The following WDR70 variants were observed in gnomAD, a reference collection of about 807,000 sequenced individuals.
WDR70 encodes WD repeat domain 70.
In WDR70, 53 loss-of-function variants were observed where a neutral mutation model predicts 88.6. The ratio of observed to expected loss-of-function variants is 0.60; its 90% confidence interval spans 0.48 to 0.75. WDR70 has a LOEUF of 0.75. WDR70 is among the 30% of genes least tolerant of loss of function. The probability of loss-of-function intolerance (pLI) is 0.00; values close to 1 mark genes in which losing one functional copy is unlikely to be tolerated. For synonymous variants in WDR70, 280 were observed against 270.0 expected (o/e 1.04, Z -0.36); for missense variants, 610 against 823.2 (o/e 0.74, Z 3.17).
At chr5:37,564,402 C>T (rs1742669157) in intron 9 of WDR70, among the ~76,000 whole-genome samples, 1 of 152,172 alleles carries the variant, frequency 6.6e-6, no homozygotes, top group African/African-American at 2.4e-5. Context: ...CGGCTTGCGC[C>T]TGCAATCGCA....
intron 10 of WDR70, among the ~76,000 whole-genome samples, chr5:37,646,104 T>C (rs1055289997): frequency 4.6e-5 from 7 of 152,104 alleles, no homozygotes; most frequent in Admixed American, 2.0e-4. Context: ...TTTAATTTTT[T>C]GCTTTTTATT....
chr5:37,468,026 T>C (rs1485066359), intron 7 of WDR70, among the ~76,000 whole-genome samples: 1 of 152,092 alleles, frequency 6.6e-6, no homozygotes, highest in Non-Finnish European at 1.5e-5. Flanking sequence ...ATTTTTTGTA[T>C]TTTTAGTAGA....
At chr5:37,673,251 TG>T (rs1746085007) in intron 10 of WDR70, among the ~76,000 whole-genome samples, 1 of 152,214 alleles carries the variant, frequency 6.6e-6, no homozygotes, top group Admixed American at 6.5e-5. Context: ...TTTAAGCTTT[TG>T]TAGTATTCCA....
At chr5:37,425,341 G>C (rs1324529936) in intron 5 of WDR70, among the ~76,000 whole-genome samples, 1 of 152,246 alleles carries the variant, frequency 6.6e-6, no homozygotes, top group Admixed American at 6.5e-5. Context: ...ACATGGATCA[G>C]AAGTGCTAAC....
Position 37,697,654 on chromosome 5 carries a change from G to A in WDR70, c.1093-1G>A. The A allele has an allele frequency of 6.2e-7, 1 of 1,613,300 alleles. No individual in the cohort carries two copies. The highest frequency in any genetic ancestry group is 1.7e-5 in the Admixed American group (1 of 60,000). On this transcript the variant is annotated splice_acceptor_variant, in intron 10 of 17. Coordinates refer to ENST00000265107, the MANE Select transcript of WDR70 (RefSeq NM_018034.4). LOFTEE classifies it high-confidence loss of function. ...AACACTTTGTTTGTCTTTGTGAATA[G>A]GTTCATCCTAAGTTCCACTATAAAC... is the stretch of plus-strand genomic sequence containing the variant.
In WDR70 at chr5:37,636,219, AT is replaced by A. The variant is rs1220603204; in HGVS notation, c.1092+30982del. Among the ~76,000 whole-genome samples, 5 of 120,302 alleles carry A rather than the reference AT, an allele frequency of 4.2e-5. No homozygotes were observed. In the East Asian group the frequency reaches 9.0e-4, roughly 22 times the overall value. 78.9% of individuals were successfully genotyped at this position (120,302 alleles called of 152,430 possible). A position where few individuals can be genotyped will look rare whatever the true frequency, so the allele number is the denominator to read the frequency against. ...ACTGGGAGGAGCTCCCTATGACCGA[AT>A]CAGGGGCAAGTCTGTGAACTATAAC... is the stretch of plus-strand genomic sequence containing the variant. On this transcript the variant is annotated intron_variant, in intron 10 of 17. Transcript: ENST00000265107.
chr5:37,551,285 A>G (rs776186084), intron 9 of WDR70, among the ~76,000 whole-genome samples: 1 of 151,838 alleles, frequency 6.6e-6, no homozygotes, highest in Non-Finnish European at 1.5e-5. Context: ...AGCCTGGGCA[A>G]CAGGAGTAAA....
At chr5:37,605,023 T>C in intron 9 of WDR70, 41 bp from the exon 10 acceptor site, 1 of 1,515,014 alleles carries the variant, frequency 6.6e-7, no homozygotes, top group African/African-American at 1.4e-5. Context: ...CCTCCTTCTT[T>C]TTTTTTTTAA....
rs192444824 is a variant in WDR70 at position 37,506,872 on chromosome 5, G to A, written c.841-9642G>A. 33 of 1,197,912 alleles carry A rather than the reference G, an allele frequency of 2.8e-5. No homozygotes were observed. In the African/African-American group the frequency reaches 4.5e-4, roughly 16 times the overall value. The allele number at this position is 1,197,912 out of a possible 1,614,324, so 74.2% of individuals were successfully genotyped here. On this transcript the variant is annotated intron_variant, in intron 8 of 17. Transcript: ENST00000265107. ...CACCCGCCTCATTGCGCTGCCCCCG[G>A]TGGGTCCTGAGTGAGCCACCACCCT...
At chr5:37,583,273 A>G (rs1188760818) in intron 9 of WDR70, among the ~76,000 whole-genome samples, 1 of 152,042 alleles carries the variant, frequency 6.6e-6, no homozygotes, top group Non-Finnish European at 1.5e-5. Flanking sequence ...AAAAATACAA[A>G]AAGTTAGCCA....
chr5:37,456,172 G>A (rs1581297560), intron 7 of WDR70, among the ~76,000 whole-genome samples: 1 of 152,186 alleles, frequency 6.6e-6, no homozygotes, highest in Non-Finnish European at 1.5e-5. Flanking sequence ...ATAGGAAACT[G>A]CCCAACTTTT....
intron 9 of WDR70, among the ~76,000 whole-genome samples, chr5:37,597,653 C>T (rs1743743299): frequency 6.6e-6 from 1 of 152,200 alleles, no homozygotes; most frequent in Admixed American, 6.5e-5. Context: ...CTTGCTGCTG[C>T]TTTCACCATG....
intron 9 of WDR70, among the ~76,000 whole-genome samples, chr5:37,598,937 T>A (rs1323003305): frequency 6.6e-6 from 1 of 152,238 alleles, no homozygotes; most frequent in Non-Finnish European, 1.5e-5. Flanking sequence ...GCTTTCTGTC[T>A]TAAAATTTTG....
intron 17 of WDR70, among the ~76,000 whole-genome samples, chr5:37,734,816 A>T (rs1375992877): frequency 6.6e-6 from 1 of 152,178 alleles, no homozygotes; most frequent in Non-Finnish European, 1.5e-5. Flanking sequence ...GAAAGTGATC[A>T]TGGAATTTTT....
intron 5 of WDR70, among the ~76,000 whole-genome samples, chr5:37,418,391 C>G (rs1156860919): frequency 6.6e-6 from 1 of 152,148 alleles, no homozygotes; most frequent in African/African-American, 2.4e-5. Flanking sequence ...GTGATCTCGG[C>G]TCACTGCAAG....
At chr5:37,567,084 A>G (rs559630145) in intron 9 of WDR70, among the ~76,000 whole-genome samples, 3 of 152,316 alleles carry the variant, frequency 2.0e-5, no homozygotes, top group South Asian at 4.1e-4. Flanking sequence ...CTCCCCAGAC[A>G]TAGAAATCAA....
intron 10 of WDR70, among the ~76,000 whole-genome samples, chr5:37,605,471 A>C (rs529949786): frequency 1.3e-5 from 2 of 152,256 alleles, no homozygotes; most frequent in South Asian, 4.1e-4. Flanking sequence ...TTTTAAAATA[A>C]ATTTACTCTT....
intron 9 of WDR70, among the ~76,000 whole-genome samples, chr5:37,524,536 T>C (rs181110123): frequency 6.6e-6 from 1 of 152,166 alleles, no homozygotes; most frequent in Admixed American, 6.5e-5. Flanking sequence ...AATGCCAAAT[T>C]GTAAAGACCA....
chr5:37,465,654 A>T (rs1159483330), intron 7 of WDR70, among the ~76,000 whole-genome samples: 2 of 123,994 alleles, frequency 1.6e-5, no homozygotes, highest in Non-Finnish European at 3.3e-5. Context: ...ACAAATTGTC[A>T]TGAGTTTTTT....
Sources: allele counts gnomAD v4.1 joint callset (sites outside exome capture counted in the v4.1 genomes callset), GRCh38; gene constraint gnomAD v4.1.1; transcripts MANE v1.5; gene names NCBI Gene and HGNC (gene_info 2026-07-23, HGNC 2026-07-21).